Variants in GALK2 observed in about 807,000 individuals in gnomAD.
The protein encoded by GALK2 is galactokinase 2, also known as N-acetylgalactosamine kinase.
GALK2 carries 36 observed loss-of-function variants against 52.4 expected under a neutral mutation model. That is an observed-to-expected ratio of 0.69 (90% CI 0.53 to 0.91). The LOEUF (loss-of-function observed/expected upper bound fraction) is 0.91. GALK2 is among the 40% of genes least tolerant of loss of function. The pLI is 0.00. For missense variants in GALK2, 579 were observed against 559.1 expected (o/e 1.04, Z -0.36); for synonymous variants, 176 against 199.1 (o/e 0.88, Z 0.98).
rs141001487 is a variant in GALK2 at position 49,249,196 on chromosome 15, C to T, written c.504+9829C>T. ...ATACAAGGATAGATAACCCCCCTAC[C>T]AAATTCAGAAGTGTTTCTCATTTAT... On this transcript the variant is annotated intron_variant, in intron 5 of 9. Transcript: ENST00000560031. Among the ~76,000 whole-genome samples the T allele has an allele frequency of 2.4e-3, 367 of 152,302 alleles. 1 individual carries two copies. Among genetic ancestry groups the T allele is most frequent in the African/African-American group, 8.3e-3 (346 of 41,566 alleles).
At chr15:49,286,505 T>A (rs553942309) in intron 7 of GALK2, among the ~76,000 whole-genome samples, 1 of 152,226 alleles carries the variant, frequency 6.6e-6, no homozygotes, top group Non-Finnish European at 1.5e-5. Flanking sequence ...ATTAGAGATA[T>A]ACTGAACGAG....
intron 8 of GALK2, among the ~76,000 whole-genome samples, chr15:49,305,882 C>T (rs2035505904): frequency 6.6e-6 from 1 of 152,180 alleles, no homozygotes; most frequent in Non-Finnish European, 1.5e-5. Flanking sequence ...CGGAGAACTA[C>T]ATAAGCACAT....
chr15:49,322,539 G>A (rs2151090544), intron 9 of GALK2, among the ~76,000 whole-genome samples: 1 of 152,326 alleles, frequency 6.6e-6, no homozygotes, highest in South Asian at 2.1e-4. Flanking sequence ...CTCAGAGGAG[G>A]ATAGCCCCAG....
chr15:49,192,802 T>C (rs2086868195), intron 1 of GALK2, among the ~76,000 whole-genome samples: 1 of 151,790 alleles, frequency 6.6e-6, no homozygotes, highest in African/African-American at 2.4e-5. Context: ...TCTTTTCATA[T>C]GTTTAAGGGC....
chr15:49,197,375 T>A (rs1566927375), intron 1 of GALK2, among the ~76,000 whole-genome samples: 1 of 152,178 alleles, frequency 6.6e-6, no homozygotes, highest in Non-Finnish European at 1.5e-5. Flanking sequence ...TATGTTTGAT[T>A]TCAGTTCTGT....
intron 1 of GALK2, among the ~76,000 whole-genome samples, chr15:49,184,532 G>C (rs1173664543): frequency 6.6e-6 from 1 of 152,028 alleles, no homozygotes; most frequent in African/African-American, 2.4e-5. Flanking sequence ...TGTTCTTGTT[G>C]TTTTGTAGTC....
At chr15:49,267,322 G>C (rs1322280678) in intron 5 of GALK2, among the ~76,000 whole-genome samples, 1 of 152,184 alleles carries the variant, frequency 6.6e-6, no homozygotes, top group Non-Finnish European at 1.5e-5. Context: ...TTACCTGGAG[G>C]ATGTTGGAAG....
In GALK2 at chr15:49,366,772, C is replaced by T. The variant is rs909519630; in HGVS notation, c.427-719C>T. The stretch of plus-strand genomic sequence containing the variant: ...TCCCGCCACTGCGCTGCCTCCGTGG[C>T]GGGGGCGGCCGGGCTAGGCTGGGAT... On this transcript the variant is annotated intron_variant, in intron 3 of 3. Transcript: ENST00000558399. 11 of 636,696 alleles carry T rather than the reference C, an allele frequency of 1.7e-5. 1 individual carries two copies. The Admixed American group carries it at 2.6e-4, about 15-fold the overall frequency. The allele number at this position is 636,696 out of a possible 1,614,324, so 39.4% of individuals were successfully genotyped here.
intron 2 of GALK2, among the ~76,000 whole-genome samples, chr15:49,213,703 G>C (rs753656270): frequency 2.6e-5 from 4 of 152,182 alleles, no homozygotes; most frequent in Non-Finnish European, 4.4e-5. Flanking sequence ...ATAAGGTACA[G>C]ACTTACTACT....
At chr15:49,195,207 G>C (rs934943015) in intron 1 of GALK2, 4 of 407,356 alleles carry the variant, frequency 9.8e-6, no homozygotes, top group Non-Finnish European at 1.9e-5. Flanking sequence ...GAGTAGCTGG[G>C]ATTACAGGTG....
intron 3 of GALK2, among the ~76,000 whole-genome samples, chr15:49,339,412 G>T (rs2040320076): frequency 6.6e-6 from 1 of 152,050 alleles, no homozygotes; most frequent in Admixed American, 6.5e-5. Context: ...TCTGCTGTAG[G>T]TCCGCCCCAG....
At chr15:49,252,283 CACACACACAT>C (rs2091642140) in intron 5 of GALK2, among the ~76,000 whole-genome samples, 1 of 151,994 alleles carries the variant, frequency 6.6e-6, no homozygotes, top group Non-Finnish European at 1.5e-5. Flanking sequence ...AAATTATACA[CACACACACAT>C]ACACACACAT....
At chr15:49,272,535 T>C (rs565435149) in intron 5 of GALK2, among the ~76,000 whole-genome samples, 3 of 152,312 alleles carry the variant, frequency 2.0e-5, no homozygotes, top group South Asian at 4.1e-4. Context: ...GTGACATCAA[T>C]GCTGCGTGTG....
intron 1 of GALK2, among the ~76,000 whole-genome samples, chr15:49,189,721 T>A (rs1300583809): frequency 6.6e-6 from 1 of 152,002 alleles, no homozygotes; most frequent in East Asian, 1.9e-4. Flanking sequence ...GACTAGTGGG[T>A]GGGTAGCATA....
chr15:49,282,149 A>G (rs2032793784), intron 6 of GALK2, 64 bp downstream of exon 6: 5 of 1,215,674 alleles, frequency 4.1e-6, no homozygotes, highest in Non-Finnish European at 6.1e-6. Flanking sequence ...CATGGAGAAG[A>G]AGGCCCTGAG....
chr15:49,175,877 C>A (rs1032253582), intron 1 of GALK2, among the ~76,000 whole-genome samples: 3 of 152,088 alleles, frequency 2.0e-5, no homozygotes, highest in Non-Finnish European at 1.5e-5. Context: ...GTGTATGCAT[C>A]CCCCAGTCAA....
downstream of GALK2, among the ~76,000 whole-genome samples, chr15:49,332,796 C>T (rs1055850108): frequency 3.3e-5 from 5 of 152,152 alleles, no homozygotes; most frequent in African/African-American, 1.2e-4. Context: ...CCTTGCCAGG[C>T]CTAGCCAAGG....
Position 49,306,928 on chromosome 15 carries a change from C to G in GALK2, c.968-12676C>G, listed in dbSNP as rs1360285501. Among the ~76,000 whole-genome samples the G allele has an allele frequency of 2.0e-5, 3 of 152,074 alleles. No individual in the cohort carries two copies. The East Asian group carries it at 5.8e-4, about 29-fold the overall frequency. On this transcript the variant is annotated intron_variant, in intron 8 of 9. Coordinates refer to ENST00000560031, the MANE Select transcript of GALK2 (RefSeq NM_002044.4). The stretch of plus-strand genomic sequence containing the variant: ...AAGATGATGTGTATTGAGAACCTGC[C>G]ATATTCAAGACACTCTATTAGGTTC...
chr15:49,193,362 CTTTT>C (rs79026943), intron 1 of GALK2, among the ~76,000 whole-genome samples: 1 of 140,140 alleles, frequency 7.1e-6, no homozygotes, highest in African/African-American at 2.6e-5. Context: ...TTTTAAGAGG[CTTTT>C]TTTTTTTAAT....
Sources: gnomAD v4.1 joint callset for allele counts (sites outside exome capture counted in the v4.1 genomes callset) on GRCh38, gnomAD v4.1.1 for gene constraint, MANE v1.5 for transcripts, NCBI Gene and HGNC (gene_info 2026-07-23, HGNC 2026-07-21) for gene names.